Variants in GOLGA6L26 observed in about 807,000 individuals in gnomAD.
GOLGA6L26 encodes golgin A6 family like 26, also known as golgin subfamily A member 6-like protein 26.
At chr15:23,333,500 CAT>C in the GOLGA6L26 span, among the ~76,000 whole-genome samples, 7 of 47,452 alleles carry the variant, frequency 1.5e-4, no homozygotes, top group Admixed American at 5.7e-4. Context: ...GGGGGGGACA[CAT>C]GAGTGCAATG....
chr15:23,327,049 ACACATCTTCTCCTCCTGCTCC>A, the GOLGA6L26 span: 2 of 202,570 alleles, frequency 9.9e-6, no homozygotes, highest in Non-Finnish European at 1.7e-5. Context: ...CTTCCTGCTC[ACACATCTTCTCCTCCTGCTCC>A]CACATCTTCT....
At chr15:23,333,038 CAGA>C in the GOLGA6L26 span, among the ~76,000 whole-genome samples, 6 of 72,366 alleles carry the variant, frequency 8.3e-5, no homozygotes, top group South Asian at 4.9e-4. Context: ...ATCTGTTCCA[CAGA>C]AGATAAGCAG....
chr15:23,332,312 T>C, the GOLGA6L26 span: 1 of 863,826 alleles, frequency 1.2e-6, no homozygotes. Flanking sequence ...TTCTTCTTTT[T>C]GGTGTCGCTT....
chr15:23,327,434 T>G, the GOLGA6L26 span: 2 of 447,526 alleles, frequency 4.5e-6, no homozygotes, highest in South Asian at 4.0e-5. Flanking sequence ...GTGCATCTTC[T>G]CCTCCTGCCT....
the GOLGA6L26 span, chr15:23,334,061 C>T: frequency 1.8e-4 from 80 of 434,674 alleles, 1 homozygote; most frequent in East Asian, 2.2e-3. Flanking sequence ...TTTCTTTGGA[C>T]ATCATAGGAT....
chr15:23,331,629 TG>T, the GOLGA6L26 span, among the ~76,000 whole-genome samples: 1 of 129,430 alleles, frequency 7.7e-6, no homozygotes, highest in African/African-American at 2.7e-5. Flanking sequence ...TTTTGGTTTT[TG>T]CCCACAGCCA....
the GOLGA6L26 span, chr15:23,327,402 C>G: frequency 2.0e-6 from 1 of 493,896 alleles, no homozygotes; most frequent in East Asian, 3.1e-5. Flanking sequence ...TCCTCCTGCT[C>G]CCGTATCTTC....
At chr15:23,331,373 C>G in the GOLGA6L26 span, among the ~76,000 whole-genome samples, 1 of 148,954 alleles carries the variant, frequency 6.7e-6, no homozygotes, top group African/African-American at 2.4e-5. Context: ...CTGAGTGCCC[C>G]CAAACCCAGC....
At chr15:23,333,203 C>T in the GOLGA6L26 span, among the ~76,000 whole-genome samples, 2 of 142,942 alleles carry the variant, frequency 1.4e-5, no homozygotes, top group Admixed American at 1.4e-4. Flanking sequence ...CTCCCATTGC[C>T]ACCCAGAGAC....
chr15:23,330,345 T>TAC, the GOLGA6L26 span, among the ~76,000 whole-genome samples: 65 of 69,786 alleles, frequency 9.3e-4, 1 homozygote, highest in South Asian at 0.023. Context: ...CCATAATACG[T>TAC]ACACACACAC....
At chr15:23,330,729 CCTT>C in the GOLGA6L26 span, 1 of 296,866 alleles carries the variant, frequency 3.4e-6, no homozygotes, top group Non-Finnish European at 6.3e-6. Context: ...ACCCTATCCG[CCTT>C]CTTCTTCTGT....
the GOLGA6L26 span, among the ~76,000 whole-genome samples, chr15:23,328,400 C>T: frequency 8.2e-5 from 1 of 12,192 alleles, no homozygotes; most frequent in African/African-American, 2.9e-4. Flanking sequence ...ACCTGTAGTC[C>T]CAGCTACTTG....
chr15:23,326,934 C>G, the GOLGA6L26 span: 1 of 242,614 alleles, frequency 4.1e-6, no homozygotes, highest in South Asian at 3.1e-5. Context: ...TGCAGCCTCA[C>G]CTGGTGTTCC....
the GOLGA6L26 span, among the ~76,000 whole-genome samples, chr15:23,332,941 AG>A: frequency 1.9e-5 from 1 of 52,340 alleles, no homozygotes; most frequent in African/African-American, 8.6e-5. Flanking sequence ...TGCTTCAGAA[AG>A]ATGCCCCATA....
chr15:23,334,111 TAGGGAGGTGGGGTTGGGG>T, the GOLGA6L26 span: 1 of 866,326 alleles, frequency 1.2e-6, no homozygotes, highest in Non-Finnish European at 1.6e-6. Context: ...TGGGGATGGG[TAGGGAGGTGGGGTTGGGG>T]CCACATCAGC....
At chr15:23,334,155 A>T in the GOLGA6L26 span, 1 of 511,076 alleles carries the variant, frequency 2.0e-6, no homozygotes, top group Non-Finnish European at 3.0e-6. Flanking sequence ...CCAGGTGAGG[A>T]CAAGTATATA....
chr15:23,327,360 CCCTTATCTTCTCCTCCTGCCT>C, the GOLGA6L26 span: 1 of 812,652 alleles, frequency 1.2e-6, no homozygotes, highest in Admixed American at 2.8e-5. Flanking sequence ...TCCTCCTGCT[CCCTTATCTTCTCCTCCTGCCT>C]CCACATCTTC....
At chr15:23,333,538 G>GA in the GOLGA6L26 span, among the ~76,000 whole-genome samples, 7 of 19,460 alleles carry the variant, frequency 3.6e-4, no homozygotes, top group South Asian at 9.7e-3. Flanking sequence ...TGAGACTGGG[G>GA]AGGGGGTCAC....
chr15:23,331,323 C>CAG, the GOLGA6L26 span, among the ~76,000 whole-genome samples: 1 of 148,618 alleles, frequency 6.7e-6, no homozygotes, highest in Non-Finnish European at 1.5e-5. Context: ...CCTTCTTCCC[C>CAG]AGGCTGGGAG....
Sources: gnomAD v4.1 joint callset for allele counts (sites outside exome capture counted in the v4.1 genomes callset) on GRCh38, gnomAD v4.1.1 for gene constraint, MANE v1.5 for transcripts, NCBI Gene and HGNC (gene_info 2026-07-23, HGNC 2026-07-21) for gene names.